The following KANSL1 variants were observed in gnomAD, a reference collection of about 807,000 sequenced individuals.
KANSL1 encodes the protein MLL1/MLL complex subunit KANSL1.
A neutral mutation model predicts 103.6 loss-of-function variants in KANSL1; 22 were observed. That is an observed-to-expected ratio of 0.21 (90% CI 0.15 to 0.30). The LOEUF is 0.30. Among genes scored for constraint, KANSL1 ranks in the 10% least tolerant of loss-of-function variants. KANSL1 has a pLI of 1.00. For missense variants in KANSL1, 1,337 were observed against 1,399.8 expected (o/e 0.96, Z 0.72); for synonymous variants, 600 against 527.6 (o/e 1.14, Z -1.88).
intron 2 of KANSL1, among the ~76,000 whole-genome samples, chr17:46,167,216 G>GA (rs1306012637): frequency 6.7e-6 from 1 of 149,098 alleles, no homozygotes; most frequent in Admixed American, 6.7e-5. Context: ...CCCAGAAAAT[G>GA]AAAAGCAAAT....
intron 2 of KANSL1, among the ~76,000 whole-genome samples, chr17:46,149,136 G>C (rs979888636): frequency 4.6e-5 from 7 of 151,958 alleles, no homozygotes; most frequent in African/African-American, 7.3e-5. Context: ...CCAAGTAGCT[G>C]GGACTACAGG....
At chr17:46,079,505 T>A (rs545915539) in intron 4 of KANSL1, among the ~76,000 whole-genome samples, 1 of 152,370 alleles carries the variant, frequency 6.6e-6, no homozygotes, top group East Asian at 1.9e-4. Flanking sequence ...GGTTTGCATC[T>A]TGTTGAAAAC....
At chr17:46,076,005 T>C (rs1360254888) in intron 4 of KANSL1, among the ~76,000 whole-genome samples, 5 of 152,210 alleles carry the variant, frequency 3.3e-5, no homozygotes, top group Non-Finnish European at 5.9e-5. Flanking sequence ...AAAAGATAGA[T>C]ACCTGGTTCT....
At position 46,170,718 on chromosome 17, in the gene KANSL1, C is replaced by T. The variant is rs1388740588; in HGVS notation, c.1289+137G>A. On this transcript the variant is annotated intron_variant, in intron 2 of 14. Coordinates refer to ENST00000432791, the MANE Select transcript of KANSL1 (RefSeq NM_015443.4). ...ACTAGCATGTATATGCACTCATCTA[C>T]CCAACATCAGGGAAAAAACAAACAG... 3 of 990,832 alleles carry T rather than the reference C, an allele frequency of 3.0e-6. No individual in the cohort carries two copies. The Admixed American group carries it at 7.0e-5, about 23-fold the overall frequency. The allele number at this position is 990,832 out of a possible 1,614,324, so 61.4% of individuals were successfully genotyped here.
At chr17:46,051,948 A>ACAGAACT (rs2077725371) in intron 6 of KANSL1, among the ~76,000 whole-genome samples, 1 of 152,212 alleles carries the variant, frequency 6.6e-6, no homozygotes, top group African/African-American at 2.4e-5. Context: ...GGCAAATCAC[A>ACAGAACT]CAGAACTAGA....
chr17:46,175,416 C>G (rs781134397), intron 1 of KANSL1, among the ~76,000 whole-genome samples: 16 of 151,738 alleles, frequency 1.1e-4, no homozygotes, highest in Non-Finnish European at 1.8e-4. Context: ...GTGGCGTGAT[C>G]TCGGCTCACT....
At chr17:46,072,867 G>A (rs974293) in intron 4 of KANSL1, among the ~76,000 whole-genome samples, 21,797 of 152,124 alleles carry the variant, frequency 0.14, 2,131 homozygotes, top group Non-Finnish European at 0.22. Flanking sequence ...TGGTTCCTAA[G>A]CCTAAGATTT....
At position 46,110,187 on chromosome 17, in the gene KANSL1, G is replaced by T. The variant is rs115632292; in HGVS notation, c.1290-15486C>A. On this transcript the variant is annotated intron_variant, in intron 2 of 14. Coordinates refer to ENST00000432791, the MANE Select transcript of KANSL1 (RefSeq NM_015443.4). ...TATGTGTTTGAATAAGGGTAATATA[G>T]TTAAAGCTAAAGGCTTAGATTTTTA... Among the ~76,000 whole-genome samples the T allele has an allele frequency of 4.1e-3, 625 of 152,334 alleles. 7 individuals are homozygous for T. Among genetic ancestry groups the T allele is most frequent in the African/African-American group, 0.014 (579 of 41,574 alleles).
intron 2 of KANSL1, chr17:46,156,870 G>A (rs1054068850): frequency 2.1e-5 from 3 of 146,062 alleles, no homozygotes; most frequent in Non-Finnish European, 4.5e-5. Flanking sequence ...CTGTACGCCA[G>A]CCTGGGTGAC....
intron 1 of KANSL1, among the ~76,000 whole-genome samples, chr17:46,203,496 G>A (rs1053425340): frequency 6.6e-6 from 1 of 152,172 alleles, no homozygotes; most frequent in African/African-American, 2.4e-5. Context: ...GAGTACCAGT[G>A]GATGTTAAAC....
upstream of KANSL1, among the ~76,000 whole-genome samples, chr17:46,194,596 T>C (rs553090650): frequency 3.3e-5 from 5 of 152,366 alleles, no homozygotes; most frequent in African/African-American, 9.6e-5. Flanking sequence ...GTGGAGTATC[T>C]TGAGATTTAA....
At chr17:46,038,886 T>G in intron 9 of KANSL1, 141 bp downstream of exon 9, 1 of 1,174,968 alleles carries the variant, frequency 8.5e-7, no homozygotes, top group East Asian at 2.4e-5. Context: ...TGACCTCCAT[T>G]TAGAAGCAGT....
Position 46,039,871 on chromosome 17 carries a change from G to T in KANSL1, c.2034C>A (p.Ser678Arg). 1.9e-6 allele frequency: 3 copies of T among 1,614,162 alleles called. No homozygotes were observed. Among genetic ancestry groups the T allele is most frequent in the Non-Finnish European group, 2.5e-6 (3 of 1,180,026 alleles). ...ATTTCAGCATGCTCTGGAAATGCAG[G>T]CTTGTGGGAACATCTGCAAGAAACA... Reference protein sequence around the residue: ...VLAFPDDVPTSLHFQSMLKSQ... With the variant: ...VLAFPDDVPTRLHFQSMLKSQ... Residue 678 changes from serine (S) to arginine (R), a missense_variant, in exon 8 of 15, where the codon AGC becomes AGA. Physicochemically the swap from Ser to Arg is moderately radical, Grantham distance 110. Transcript: ENST00000432791.
chr17:46,090,931 TATG>T lies in KANSL1; in HGVS notation c.1431+3626_1431+3628del, dbSNP rs569172527. Among the ~76,000 whole-genome samples the T allele has an allele frequency of 5.1e-3, 572 of 113,090 alleles. 6 individuals are homozygous for T. Among genetic ancestry groups the T allele is most frequent in the Non-Finnish European group, 6.9e-3 (289 of 41,820 alleles). 74.2% of individuals were successfully genotyped at this position (113,090 alleles called of 152,430 possible). On this transcript the variant is annotated intron_variant, in intron 3 of 14. Coordinates refer to ENST00000432791, the MANE Select transcript of KANSL1 (RefSeq NM_015443.4). Reference sequence around the variant, plus strand: ...CTATGTTACTGTTACACTTATTTCTTATGATAATAAAAAGTGTTATGTATTTAC... The same window carrying T: ...CTATGTTACTGTTACACTTATTTCTTATAATAAAAAGTGTTATGTATTTAC...
intron 1 of KANSL1, among the ~76,000 whole-genome samples, chr17:46,217,996 A>C (rs1001670194): frequency 6.6e-6 from 1 of 152,256 alleles, no homozygotes; most frequent in Non-Finnish European, 1.5e-5. Flanking sequence ...ACTGCACTCC[A>C]GCCTGGGCAA....
chr17:46,153,258 G>A (rs1054550704), intron 2 of KANSL1, among the ~76,000 whole-genome samples: 15 of 152,300 alleles, frequency 9.8e-5, no homozygotes, highest in Middle Eastern at 3.4e-3. Flanking sequence ...TAGGAGACAC[G>A]AATAATTATA....
intron 1 of KANSL1, among the ~76,000 whole-genome samples, chr17:46,181,355 T>G (rs1301694220): frequency 6.6e-6 from 1 of 152,198 alleles, no homozygotes; most frequent in Non-Finnish European, 1.5e-5. Flanking sequence ...AACAGCTTCC[T>G]GACTAGTGCC....
At chr17:46,143,215 C>G (rs1364233869) in intron 2 of KANSL1, among the ~76,000 whole-genome samples, 1 of 152,172 alleles carries the variant, frequency 6.6e-6, no homozygotes, top group Non-Finnish European at 1.5e-5. Flanking sequence ...CATATATGTA[C>G]CCATTCAGCA....
intron 2 of KANSL1, among the ~76,000 whole-genome samples, chr17:46,105,867 A>T (rs1237665291): frequency 2.0e-5 from 2 of 98,900 alleles, no homozygotes; most frequent in Non-Finnish European, 2.3e-5. Flanking sequence ...CAAGACCTTC[A>T]CACACACACA....
Sources: allele counts gnomAD v4.1 joint callset (sites outside exome capture counted in the v4.1 genomes callset), GRCh38; gene constraint gnomAD v4.1.1; transcripts MANE v1.5; gene names NCBI Gene and HGNC (gene_info 2026-07-23, HGNC 2026-07-21).